The following LARP4 variants were observed in gnomAD, a reference collection of about 807,000 sequenced individuals.
LARP4 encodes La ribonucleoprotein 4, also known as la-related protein 4.
LARP4 carries 29 observed loss-of-function variants against 92.9 expected under a neutral mutation model. The ratio of observed to expected loss-of-function variants is 0.31; its 90% confidence interval spans 0.23 to 0.43. The LOEUF is 0.43. LARP4 is among the 20% of genes least tolerant of loss of function. LARP4 has a pLI of 1.00. For missense variants in LARP4, 732 were observed against 860.0 expected (o/e 0.85, Z 1.86); for synonymous variants, 279 against 284.1 (o/e 0.98, Z 0.18).
rs1249855513 is a variant in LARP4, at chr12:50,478,784, C to CT, written c.*2921dup. The CT allele has an allele frequency of 3.9e-5, 6 of 152,122 alleles. No homozygotes were observed. The highest frequency in any genetic ancestry group is 1.4e-4 in the African/African-American group (6 of 41,436). 9.4% of individuals were successfully genotyped at this position (152,122 alleles called of 1,614,324 possible). A position where few individuals can be genotyped will look rare whatever the true frequency, so the allele number is the denominator to read the frequency against. ...TTTTCATAATACCTAGGGCCTGTCT[C>CT]TGAGTAATTTTAATTTTGCCAAATA... On this transcript the variant is annotated 3_prime_UTR_variant, in exon 16 of 16. Transcript: ENST00000398473.
At chr12:50,434,271 A>T (rs1248779917) in intron 4 of LARP4, among the ~76,000 whole-genome samples, 1 of 152,120 alleles carries the variant, frequency 6.6e-6, no homozygotes, top group Non-Finnish European at 1.5e-5. Flanking sequence ...ATTTGATGTG[A>T]ATAGCAAGGT....
At chr12:50,402,901 A>G (rs1944142719) in intron 1 of LARP4, 1 of 424,836 alleles carries the variant, frequency 2.4e-6, no homozygotes, top group Non-Finnish European at 4.7e-6. Flanking sequence ...TCACTATGTC[A>G]TTCTTCATTT....
chr12:50,460,451 C>T (rs1180082636), intron 10 of LARP4, among the ~76,000 whole-genome samples: 1 of 152,092 alleles, frequency 6.6e-6, no homozygotes, highest in Non-Finnish European at 1.5e-5. Flanking sequence ...CTCAGCCTTC[C>T]AAGTAGCTGG....
intron 8 of LARP4, among the ~76,000 whole-genome samples, chr12:50,445,780 TTC>T (rs1425256244): frequency 2.0e-5 from 3 of 152,150 alleles, no homozygotes; most frequent in Non-Finnish European, 4.4e-5. Context: ...AAAATATTTC[TTC>T]TCTCTCTGCT....
chr12:50,417,145 C>T lies in LARP4; in HGVS notation c.19-10617C>T, dbSNP rs557792258. Among the ~76,000 whole-genome samples the T allele has an allele frequency of 6.4e-4, 97 of 152,082 alleles. 1 individual carries two copies. The South Asian group carries it at 0.02, about 31-fold the overall frequency. ...GATACTTATGCCAGGTATGGTGGCT[C>T]ACGCCTATAATCCCAGCACTTTGGG... On this transcript the variant is annotated intron_variant, in intron 1 of 15. Transcript: ENST00000398473.
rs749186754 is a variant in LARP4 at position 50,461,153 on chromosome 12, G to A, written c.1140G>A (p.Arg380=). The A allele has an allele frequency of 1.1e-5, 17 of 1,613,682 alleles. No homozygotes were observed. The highest frequency in any genetic ancestry group is 5.0e-5 in the Admixed American group (3 of 59,978). The change falls in exon 11 of 16, where the codon AGG becomes AGA. Residue 380 remains arginine, a synonymous_variant. Transcript: ENST00000398473. ...FQKNRVKPQF[R]SSGGSEHSTE... ...CCTATAGTGTGAAGCCTCAGTTTAGGTCATCTGGTGGTTCAGAACACTCAA... is the reference window on the plus strand; with the variant it reads ...CCTATAGTGTGAAGCCTCAGTTTAGATCATCTGGTGGTTCAGAACACTCAA...
At chr12:50,402,896 A>G (rs762785447) in intron 1 of LARP4, 7 of 427,600 alleles carry the variant, frequency 1.6e-5, no homozygotes, top group Non-Finnish European at 3.3e-5. Context: ...GTGAGTCACT[A>G]TGTCATTCTT....
intron 13 of LARP4, among the ~76,000 whole-genome samples, chr12:50,472,511 A>T (rs1385681242): frequency 2.0e-5 from 3 of 151,534 alleles, no homozygotes; most frequent in Non-Finnish European, 4.4e-5. Flanking sequence ...TTTTTTTTTA[A>T]TGTAGCCTAC....
intron 8 of LARP4, among the ~76,000 whole-genome samples, chr12:50,449,376 C>T (rs576697154): frequency 1.3e-5 from 2 of 151,996 alleles, no homozygotes; most frequent in Admixed American, 1.3e-4. Flanking sequence ...ATTTTGCTGC[C>T]TTTATTCTTG....
At chr12:50,463,418 TCCAAAAAAAA>T (rs1210445117) in intron 12 of LARP4, among the ~76,000 whole-genome samples, 53 of 32,218 alleles carry the variant, frequency 1.6e-3, no homozygotes, top group African/African-American at 3.9e-3. Flanking sequence ...ACCCCATCTC[TCCAAAAAAAA>T]AAAAAAAAAA....
chr12:50,415,708 TGAGACGGGCTCACTTTG>T (rs1946654621), intron 1 of LARP4: 1 of 150,906 alleles, frequency 6.6e-6, no homozygotes, highest in Non-Finnish European at 1.5e-5. Context: ...TTTTTTTTTT[TGAGACGGGCTCACTTTG>T]TTACCCCGGC....
At chr12:50,415,777 C>T (rs1264502481) in intron 1 of LARP4, 1 of 151,472 alleles carries the variant, frequency 6.6e-6, no homozygotes, top group Non-Finnish European at 1.5e-5. Context: ...TAACCTCCAC[C>T]TCCCAGGTTC....
intron 1 of LARP4, among the ~76,000 whole-genome samples, chr12:50,422,527 A>G (rs567595756): frequency 5.3e-5 from 8 of 152,096 alleles, no homozygotes; most frequent in South Asian, 2.1e-4. Flanking sequence ...ATAAACAGCA[A>G]TTTTTTCTTT....
chr12:50,445,477 T>C (rs1035759900), intron 8 of LARP4, among the ~76,000 whole-genome samples: 15 of 152,170 alleles, frequency 9.9e-5, no homozygotes, highest in Non-Finnish European at 1.9e-4. Context: ...TATGTTGATA[T>C]TCTTTACTGC....
At chr12:50,465,948 G>A (rs1024572236) in intron 12 of LARP4, among the ~76,000 whole-genome samples, 39 of 152,078 alleles carry the variant, frequency 2.6e-4, no homozygotes, top group African/African-American at 7.5e-4. Flanking sequence ...TAACCAAATG[G>A]AAACCATCAA....
At chr12:50,466,206 G>A (rs1217825001) in intron 12 of LARP4, among the ~76,000 whole-genome samples, 1 of 152,114 alleles carries the variant, frequency 6.6e-6, no homozygotes, top group Non-Finnish European at 1.5e-5. Flanking sequence ...CAAGTAAGAG[G>A]TAAGAGGCTT....
At chr12:50,458,005 C>T (rs564119138) in intron 10 of LARP4, among the ~76,000 whole-genome samples, 1 of 150,824 alleles carries the variant, frequency 6.6e-6, no homozygotes, top group South Asian at 2.1e-4. Context: ...ATGATCATGG[C>T]TCACTGTAGT....
chr12:50,455,708 TAGTC>T (rs1461670560), intron 10 of LARP4, among the ~76,000 whole-genome samples: 5 of 152,330 alleles, frequency 3.3e-5, no homozygotes, highest in African/African-American at 9.6e-5. Context: ...TACTCTTTAA[TAGTC>T]AGAGTTTTTG....
In LARP4 at chr12:50,440,558, A is replaced by G. The variant is rs1951051636; in HGVS notation, c.750+9A>G. On this transcript the variant is annotated intron_variant, in intron 7 of 15. Coordinates refer to ENST00000398473, the MANE Select transcript of LARP4 (RefSeq NM_052879.5). Reference sequence around the variant, plus strand: ...ACACAGATGCACAACAGGTAAGAAGAAAACATTTTCTGATACAAGTCCATC... The same window carrying G: ...ACACAGATGCACAACAGGTAAGAAGGAAACATTTTCTGATACAAGTCCATC... 1 of 1,579,550 alleles carries G rather than the reference A, an allele frequency of 6.3e-7. No homozygotes were observed. Among genetic ancestry groups the G allele is most frequent in the Non-Finnish European group, 8.7e-7 (1 of 1,149,952 alleles).
Sources: gnomAD v4.1 joint callset for allele counts (sites outside exome capture counted in the v4.1 genomes callset) on GRCh38, gnomAD v4.1.1 for gene constraint, MANE v1.5 for transcripts, NCBI Gene and HGNC (gene_info 2026-07-23, HGNC 2026-07-21) for gene names.